The following KHDRBS2 variants were observed in gnomAD, a reference collection of about 807,000 sequenced individuals.
KHDRBS2 encodes KH RNA binding domain containing, signal transduction associated 2, also known as KH domain-containing, RNA-binding, signal transduction-associated protein 2.
In KHDRBS2, 26 loss-of-function variants were observed where a neutral mutation model predicts 44.3. The observed-to-expected ratio is 0.59, with a 90% CI of 0.43 to 0.81. The LOEUF (loss-of-function observed/expected upper bound fraction) is 0.81. Among genes scored for constraint, KHDRBS2 ranks in the 40% least tolerant of loss-of-function variants. The pLI, the probability that KHDRBS2 is intolerant of heterozygous loss-of-function variation, is 0.00. For missense variants in KHDRBS2, 476 were observed against 433.1 expected (o/e 1.10, Z -0.88); for synonymous variants, 194 against 151.1 (o/e 1.28, Z -2.08).
chr6:61,545,235 C>A, the KHDRBS2 span, among the ~76,000 whole-genome samples: 1 of 151,864 alleles, frequency 6.6e-6, no homozygotes, highest in Admixed American at 6.6e-5. Flanking sequence ...CACTTGAGGC[C>A]AGGAGTTGGA....
intron 6 of KHDRBS2, among the ~76,000 whole-genome samples, chr6:61,804,876 G>C (rs1472869731): frequency 6.6e-6 from 1 of 152,130 alleles, no homozygotes; most frequent in Non-Finnish European, 1.5e-5. Context: ...GGGAAGAACT[G>C]CCACGAAGGC....
At chr6:61,664,228 T>C in the KHDRBS2 span, among the ~76,000 whole-genome samples, 5 of 151,938 alleles carry the variant, frequency 3.3e-5, no homozygotes, top group South Asian at 1.0e-3. Context: ...GTAGAAGTTT[T>C]ATAAAATTAC....
In KHDRBS2 at chr6:61,864,537, G is replaced by A. The variant is rs188888931; in HGVS notation, c.810+30098C>T. On this transcript the variant is annotated intron_variant, in intron 6 of 8. Coordinates refer to ENST00000281156, the MANE Select transcript of KHDRBS2 (RefSeq NM_152688.4). ...TTTACTTATGAGGCTTAATTTGGCT[G>A]GATATAAAATTTGGAGTTGAAATTT... is the stretch of plus-strand genomic sequence containing the variant. 1.4e-4 allele frequency among the ~76,000 whole-genome samples: 22 copies of A among 152,180 alleles called. No individual in the cohort carries two copies. The East Asian group carries it at 3.1e-3, about 21-fold the overall frequency.
intron 6 of KHDRBS2, among the ~76,000 whole-genome samples, chr6:61,789,171 A>G (rs1784258615): frequency 6.6e-6 from 1 of 151,436 alleles, no homozygotes; most frequent in Admixed American, 6.6e-5. Flanking sequence ...CCTTACTTTG[A>G]AAAGTTATAT....
intron 4 of KHDRBS2, among the ~76,000 whole-genome samples, chr6:61,969,065 G>A (rs763605032): frequency 4.6e-5 from 7 of 151,958 alleles, no homozygotes; most frequent in Admixed American, 6.6e-5. Context: ...TTATAGAAAT[G>A]AATCCACATA....
At chr6:62,264,582 T>A (rs993488915) in intron 1 of KHDRBS2, among the ~76,000 whole-genome samples, 8 of 151,714 alleles carry the variant, frequency 5.3e-5, no homozygotes, top group African/African-American at 1.9e-4. Flanking sequence ...CAGGCCTCTC[T>A]TTTTGCAAGA....
intron 1 of KHDRBS2, among the ~76,000 whole-genome samples, chr6:62,213,299 G>C (rs1026936963): frequency 2.0e-5 from 3 of 151,946 alleles, no homozygotes; most frequent in African/African-American, 7.3e-5. Context: ...AGATGCCAAA[G>C]TGTTTTTTAT....
chr6:62,240,675 TATATATATATATATATATATATATATATA>T, intron 1 of KHDRBS2, among the ~76,000 whole-genome samples: 1 of 20,370 alleles, frequency 4.9e-5, no homozygotes, highest in African/African-American at 1.7e-4. Flanking sequence ...TGTGTGTGTA[TATATATATATATATATATATATATATATA>T]TATATATATA....
At chr6:62,086,700 T>G (rs113539265) in intron 2 of KHDRBS2, among the ~76,000 whole-genome samples, 1 of 152,100 alleles carries the variant, frequency 6.6e-6, no homozygotes, top group Non-Finnish European at 1.5e-5. Context: ...AATAGGAGAA[T>G]CCCAAAATCA....
chr6:61,990,854 C>A (rs931927677), intron 3 of KHDRBS2, among the ~76,000 whole-genome samples: 10 of 152,036 alleles, frequency 6.6e-5, no homozygotes, highest in Non-Finnish European at 1.3e-4. Context: ...GGACTACAGG[C>A]ACGCACCACC....
intron 6 of KHDRBS2, among the ~76,000 whole-genome samples, chr6:61,858,248 AAG>A (rs1491249228): frequency 1.4e-5 from 2 of 144,900 alleles, no homozygotes; most frequent in African/African-American, 5.4e-5. Context: ...CATGCAATTT[AAG>A]AAAAAAAAAA....
At chr6:62,160,496 C>G (rs1232989095) in intron 2 of KHDRBS2, among the ~76,000 whole-genome samples, 1 of 152,100 alleles carries the variant, frequency 6.6e-6, no homozygotes, top group Non-Finnish European at 1.5e-5. Flanking sequence ...TGGTAATGGG[C>G]AGTTAGCTCT....
chr6:61,697,360 A>T, intron 7 of KHDRBS2, 107 bp from the exon 8 acceptor site: 3 of 740,580 alleles, frequency 4.1e-6, no homozygotes, highest in South Asian at 2.9e-5. Context: ...ATATTCCAGG[A>T]ACTTCAAGGC....
chr6:61,956,753 T>C (rs1767423978), intron 4 of KHDRBS2, among the ~76,000 whole-genome samples: 1 of 152,200 alleles, frequency 6.6e-6, no homozygotes. Context: ...TACCAAGCTA[T>C]GTGACCCAGA....
chr6:62,279,976 A>G (rs1361795836), intron 1 of KHDRBS2, among the ~76,000 whole-genome samples: 1 of 152,204 alleles, frequency 6.6e-6, no homozygotes, highest in East Asian at 1.9e-4. Flanking sequence ...GCTCCTCAAG[A>G]GGAGACAGAG....
chr6:61,907,145 C>G (rs113830289), intron 4 of KHDRBS2, among the ~76,000 whole-genome samples: 1 of 151,984 alleles, frequency 6.6e-6, no homozygotes, highest in Admixed American at 6.6e-5. Flanking sequence ...TGCATTTCTC[C>G]GATGATTAAT....
chr6:61,577,414 T>C, the KHDRBS2 span, among the ~76,000 whole-genome samples: 1 of 152,132 alleles, frequency 6.6e-6, no homozygotes, highest in Admixed American at 6.6e-5. Flanking sequence ...GGGAAAGGCC[T>C]ACACCGTGTC....
At chr6:61,676,929 A>T (rs1332574143), downstream of KHDRBS2, among the ~76,000 whole-genome samples, 2 of 151,884 alleles carry the variant, frequency 1.3e-5, no homozygotes, top group South Asian at 4.1e-4. Context: ...AGTCTTTTAT[A>T]TCTACTGTTT....
At chr6:62,067,016 A>T (rs1793890245) in intron 2 of KHDRBS2, among the ~76,000 whole-genome samples, 2 of 151,576 alleles carry the variant, frequency 1.3e-5, no homozygotes, top group Non-Finnish European at 3.0e-5. Context: ...TAATTTTGTA[A>T]CTTAAGTTTT....
Sources: allele counts gnomAD v4.1 joint callset (sites outside exome capture counted in the v4.1 genomes callset), GRCh38; gene constraint gnomAD v4.1.1; transcripts MANE v1.5; gene names NCBI Gene and HGNC (gene_info 2026-07-23, HGNC 2026-07-21).